AKAP6: variants seen among roughly 807,000 people sequenced by gnomAD.
AKAP6 encodes A-kinase anchor protein 6.
In AKAP6, 58 loss-of-function variants were observed where a neutral mutation model predicts 188.5. The observed-to-expected ratio is 0.31, with a 90% CI of 0.25 to 0.38. The LOEUF is 0.38. Ranked by LOEUF, AKAP6 falls within the 10% of genes least tolerant of loss-of-function variation. AKAP6 has a pLI of 1.00. For missense variants in AKAP6, 2,710 were observed against 2,740.0 expected (o/e 0.99, Z 0.24); for synonymous variants, 989 against 998.6 (o/e 0.99, Z 0.18).
intron 2 of AKAP6, among the ~76,000 whole-genome samples, chr14:32,439,941 G>A (rs896242005): frequency 2.0e-5 from 3 of 152,186 alleles, no homozygotes; most frequent in South Asian, 2.1e-4. Context: ...TCTTTTCTGC[G>A]AAGAGTAGTT....
At chr14:32,527,531 C>T (rs1882194908) in intron 2 of AKAP6, among the ~76,000 whole-genome samples, 1 of 152,152 alleles carries the variant, frequency 6.6e-6, no homozygotes, top group South Asian at 2.1e-4. Flanking sequence ...TTGTAAGAAA[C>T]CACCAAACTG....
At chr14:32,786,296 A>ATGTTTTTTTTTTTTTTGTTTTTTTTTTTT in intron 12 of AKAP6, among the ~76,000 whole-genome samples, 1 of 93,706 alleles carries the variant, frequency 1.1e-5, no homozygotes, top group Non-Finnish European at 2.1e-5. Context: ...CTAAACCTTT[A>ATGTTTTTTTTTTTTTTGTTTTTTTTTTTT]TCTTTTTTTT....
At position 32,742,047 on chromosome 14, in the gene AKAP6, C is replaced by G. The variant is rs577812061; in HGVS notation, c.3372+6165C>G. Among the ~76,000 whole-genome samples the G allele has an allele frequency of 4.0e-5, 6 of 151,766 alleles. No individual in the cohort carries two copies. In the South Asian group the frequency reaches 1.0e-3, roughly 26 times the overall value. Reference sequence around the variant, plus strand: ...GGATTTTTTATTATGGCTTCAATCTCATTACTTGTTATTGGTCTCTTCAGG... The same window carrying G: ...GGATTTTTTATTATGGCTTCAATCTGATTACTTGTTATTGGTCTCTTCAGG... On this transcript the variant is annotated intron_variant, in intron 11 of 13. Coordinates refer to ENST00000280979, the MANE Select transcript of AKAP6 (RefSeq NM_004274.5).
intron 11 of AKAP6, among the ~76,000 whole-genome samples, chr14:32,773,044 T>A (rs1201129205): frequency 1.3e-5 from 2 of 152,234 alleles, no homozygotes; most frequent in African/African-American, 4.8e-5. Context: ...ATAGTGTGAA[T>A]GTCTATTAAA....
chr14:32,594,070 G>T (rs571035484), intron 5 of AKAP6, among the ~76,000 whole-genome samples: 1 of 152,160 alleles, frequency 6.6e-6, no homozygotes, highest in East Asian at 1.9e-4. Context: ...CTCACTCATT[G>T]CCTGGCACTG....
chr14:32,551,855 A>T (rs973496032), intron 4 of AKAP6, among the ~76,000 whole-genome samples: 1 of 150,248 alleles, frequency 6.7e-6, no homozygotes, highest in African/African-American at 2.5e-5. Context: ...TTTAGTAGAG[A>T]TGGGGTTTCA....
intron 12 of AKAP6, 61 bp downstream of exon 12, chr14:32,773,954 T>C: frequency 6.5e-7 from 1 of 1,535,050 alleles, no homozygotes; most frequent in Non-Finnish European, 8.9e-7. Flanking sequence ...AAATAATTCT[T>C]TCAGGCTTGG....
intron 1 of AKAP6, among the ~76,000 whole-genome samples, chr14:32,381,232 C>T (rs1016212387): frequency 2.0e-5 from 3 of 151,896 alleles, no homozygotes; most frequent in East Asian, 1.9e-4. Context: ...CCCAGCTACT[C>T]GGGAGGCTAA....
chr14:32,623,113 A>T (rs1271922032), intron 7 of AKAP6, among the ~76,000 whole-genome samples: 1 of 152,120 alleles, frequency 6.6e-6, no homozygotes, highest in African/African-American at 2.4e-5. Context: ...TAGATGCCAC[A>T]GGTTCAGTTT....
At chr14:32,509,538 T>C (rs367704849) in intron 2 of AKAP6, among the ~76,000 whole-genome samples, 2 of 152,188 alleles carry the variant, frequency 1.3e-5, no homozygotes, top group African/African-American at 4.8e-5. Flanking sequence ...CAAAATAATT[T>C]CTTAAAAAAG....
chr14:32,765,731 A>G (rs2032697199), intron 11 of AKAP6, among the ~76,000 whole-genome samples: 1 of 151,852 alleles, frequency 6.6e-6, no homozygotes, highest in African/African-American at 2.4e-5. Context: ...AAAACCTACA[A>G]GTTTGCATTG....
rs537110183 is a variant in AKAP6 at position 32,403,131 on chromosome 14, A to G, written c.-34-30329A>G. The G allele has an allele frequency of 2.0e-5, 3 of 152,350 alleles. No homozygotes were observed. In the East Asian group the frequency reaches 5.8e-4, roughly 29 times the overall value. The allele number at this position is 152,350 out of a possible 1,614,324, so 9.4% of individuals were successfully genotyped here. ...CACATAGAACCTGTGGATGCACATC[A>G]AGGCTTCTGGAAATTTATTGAAATT... On this transcript the variant is annotated intron_variant, in intron 1 of 13. Coordinates refer to ENST00000280979, the MANE Select transcript of AKAP6 (RefSeq NM_004274.5).
At chr14:32,501,222 T>C (rs1415841080) in intron 2 of AKAP6, among the ~76,000 whole-genome samples, 1 of 152,210 alleles carries the variant, frequency 6.6e-6, no homozygotes, top group East Asian at 1.9e-4. Flanking sequence ...AAATTATTAA[T>C]AAACAATTTC....
At chr14:32,596,819 C>G (rs1885724061) in intron 5 of AKAP6, among the ~76,000 whole-genome samples, 1 of 152,172 alleles carries the variant, frequency 6.6e-6, no homozygotes, top group Non-Finnish European at 1.5e-5. Context: ...TCCAAGCTTC[C>G]TTCCCTTGGG....
intron 2 of AKAP6, among the ~76,000 whole-genome samples, chr14:32,449,377 G>C (rs902900240): frequency 6.6e-6 from 1 of 151,760 alleles, no homozygotes; most frequent in Admixed American, 6.6e-5. Flanking sequence ...AAAAAATTAG[G>C]CAGGCATGGA....
chr14:32,602,289 A>C (rs1290844727), intron 7 of AKAP6, among the ~76,000 whole-genome samples: 1 of 152,018 alleles, frequency 6.6e-6, no homozygotes, highest in Non-Finnish European at 1.5e-5. Flanking sequence ...TGAGGTCAGG[A>C]GTTTGAGACC....
chr14:32,505,972 A>G (rs1481193920), intron 2 of AKAP6, among the ~76,000 whole-genome samples: 3 of 152,028 alleles, frequency 2.0e-5, no homozygotes, highest in Admixed American at 1.3e-4. Flanking sequence ...GCTGGGTATT[A>G]ATCTTGATCA....
intron 11 of AKAP6, among the ~76,000 whole-genome samples, chr14:32,773,007 A>G (rs575092935): frequency 4.9e-4 from 74 of 152,346 alleles, no homozygotes; most frequent in Non-Finnish European, 9.1e-4. Context: ...GCAAAATGCT[A>G]TTTTGGTGCC....
chr14:32,705,685 AG>A (rs1890785593), intron 9 of AKAP6, among the ~76,000 whole-genome samples: 1 of 152,182 alleles, frequency 6.6e-6, no homozygotes, highest in African/African-American at 2.4e-5. Flanking sequence ...TCCCTTAGTC[AG>A]GCTAGGCTAG....
Sources: gnomAD v4.1 joint callset for allele counts (sites outside exome capture counted in the v4.1 genomes callset) on GRCh38, gnomAD v4.1.1 for gene constraint, MANE v1.5 for transcripts, NCBI Gene and HGNC (gene_info 2026-07-23, HGNC 2026-07-21) for gene names.